LRIG1: variants seen among roughly 807,000 people sequenced by gnomAD.
LRIG1 encodes leucine-rich repeats and immunoglobulin-like domains protein 1.
In LRIG1, 48 loss-of-function variants were observed where a neutral mutation model predicts 99.2. That is an observed-to-expected ratio of 0.48 (90% CI 0.38 to 0.62). The LOEUF (loss-of-function observed/expected upper bound fraction) is 0.62. Among genes scored for constraint, LRIG1 ranks in the 20% least tolerant of loss-of-function variants. The pLI is 0.00. For synonymous variants in LRIG1, 772 were observed against 596.1 expected, an observed-to-expected ratio of 1.29 and a Z score of -4.30; for missense variants, 1,646 against 1,434.4, an observed-to-expected ratio of 1.15 and a Z score of -2.38.
intron 8 of LRIG1, among the ~76,000 whole-genome samples, chr3:66,406,754 T>C (rs1702282270): frequency 6.6e-6 from 1 of 152,120 alleles, no homozygotes; most frequent in Non-Finnish European, 1.5e-5. Flanking sequence ...AATTAGGGAC[T>C]TCAAGGGAAA....
At chr3:66,500,121 AC>A (rs2106950116) in intron 1 of LRIG1, 68 bp downstream of exon 1, 2 of 1,271,620 alleles carry the variant, frequency 1.6e-6, no homozygotes, top group Admixed American at 2.3e-5. Flanking sequence ...CTGAGTACGA[AC>A]CCCCGCCGCT....
chr3:66,466,571 C>T (rs1247148054), intron 1 of LRIG1, among the ~76,000 whole-genome samples: 2 of 152,140 alleles, frequency 1.3e-5, no homozygotes, highest in African/African-American at 4.8e-5. Context: ...TAAGAAAATA[C>T]ACTTAGCCCA....
At chr3:66,458,605 G>C (rs776159434) in intron 2 of LRIG1, among the ~76,000 whole-genome samples, 5 of 152,144 alleles carry the variant, frequency 3.3e-5, no homozygotes, top group Non-Finnish European at 7.3e-5. Context: ...GGGAAACTGA[G>C]GCATGAGAAT....
At chr3:66,392,415 T>C (rs1277075294) in intron 12 of LRIG1, among the ~76,000 whole-genome samples, 1 of 152,204 alleles carries the variant, frequency 6.6e-6, no homozygotes, top group Admixed American at 6.5e-5. Flanking sequence ...ACCAGCAGTG[T>C]AGGAGGGTTC....
intron 5 of LRIG1, 73 bp downstream of exon 5, chr3:66,414,847 C>G: frequency 1.4e-6 from 2 of 1,402,608 alleles, no homozygotes; most frequent in South Asian, 1.6e-5. Context: ...GCGTTTGGTA[C>G]GAGGTCCTTG....
intron 3 of LRIG1, among the ~76,000 whole-genome samples, chr3:66,426,536 G>C (rs1702985919): frequency 6.6e-6 from 1 of 152,186 alleles, no homozygotes; most frequent in African/African-American, 2.4e-5. Flanking sequence ...CTTAACTGCA[G>C]AGAGAAAACT....
At chr3:66,469,907 CAAAA>C (rs55768550) in intron 1 of LRIG1, among the ~76,000 whole-genome samples, 4 of 115,808 alleles carry the variant, frequency 3.5e-5, no homozygotes, top group South Asian at 2.9e-4. Flanking sequence ...CTGTCCCTAC[CAAAA>C]AAAAAAAAAA....
intron 3 of LRIG1, among the ~76,000 whole-genome samples, chr3:66,436,907 C>T (rs945080460): frequency 2.0e-5 from 3 of 152,176 alleles, no homozygotes; most frequent in African/African-American, 7.2e-5. Flanking sequence ...TCCTTGGAGA[C>T]TCAAAGGGAA....
intron 6 of LRIG1, among the ~76,000 whole-genome samples, chr3:66,411,068 A>T (rs1372619387): frequency 6.6e-6 from 1 of 152,210 alleles, no homozygotes; most frequent in Non-Finnish European, 1.5e-5. Context: ...TGGGGTCACT[A>T]TAAGAAGGAA....
Position 66,384,093 on chromosome 3 carries a change from A to T in LRIG1, c.1969T>A (p.Phe657Ile). 6.2e-7 allele frequency: 1 copy of T among 1,614,142 alleles called. No individual in the cohort carries two copies. The highest frequency in any genetic ancestry group is 8.5e-7 in the Non-Finnish European group (1 of 1,180,036). ...RMHVMPDDDV[F>I]FITDVKIDDA... ...TCTATTTTCACATCAGTGATGAAAA[A>T]CACGTCGTCATCCGGCATGACATGC... Residue 657 changes from phenylalanine (F) to isoleucine (I), a missense_variant, in exon 14 of 19, where the codon TTT becomes ATT. Phe to Ile is a conservative substitution (Grantham distance 21). Transcript: ENST00000273261.
intron 1 of LRIG1, among the ~76,000 whole-genome samples, chr3:66,490,360 CT>C (rs1210668424): frequency 6.6e-6 from 1 of 152,252 alleles, no homozygotes; most frequent in African/African-American, 2.4e-5. Flanking sequence ...CAACAATTCA[CT>C]TCCTGGAAGC....
At chr3:66,416,261 G>A (rs565069844) in intron 4 of LRIG1, among the ~76,000 whole-genome samples, 3 of 152,266 alleles carry the variant, frequency 2.0e-5, no homozygotes, top group African/African-American at 2.4e-5. Flanking sequence ...CAACTCTGGC[G>A]CCCTAATGCA....
In LRIG1 at chr3:66,386,284, G is replaced by A. The variant is rs1470426415; in HGVS notation, c.1486C>T (p.Gln496Ter). ...GTGGTTTCTGGCTGGGTGATGATCT[G>A]TGGCTTCAGGAAGTCATCTGGGGAG... ...SFVCDDFLKP[Q>*]IITQPETTMA... The change falls in exon 13 of 19, where the codon CAG becomes TAG. Residue 496 changes from glutamine (Q) to a stop codon, truncating the protein, a stop_gained. Transcript: ENST00000273261. LOFTEE classifies it high-confidence loss of function. 2 of 1,613,998 alleles carry A rather than the reference G, an allele frequency of 1.2e-6. No homozygotes were observed. The highest frequency in any genetic ancestry group is 1.7e-6 in the Non-Finnish European group (2 of 1,179,924).
chr3:66,386,090 G>A lies in LRIG1; in HGVS notation c.1680C>T (p.Thr560=). The change falls in exon 13 of 19, where the codon ACC becomes ACT. Residue 560 remains threonine, a synonymous_variant. Coordinates refer to ENST00000273261, the MANE Select transcript of LRIG1 (RefSeq NM_015541.3). ...AQDGEVMEYT[T]ILHLRQVTFG... is the part of the protein sequence containing the mutation. ...AAGTGACCTGACGGAGGTGCAGGAT[G>A]GTGGTGTACTCCATCACTTCCCCGT... 6.2e-7 allele frequency: 1 copy of A among 1,614,188 alleles called. No individual in the cohort carries two copies. Among genetic ancestry groups the A allele is most frequent in the Non-Finnish European group, 8.5e-7 (1 of 1,180,024 alleles).
At chr3:66,458,909 T>C (rs4856938) in intron 2 of LRIG1, among the ~76,000 whole-genome samples, 145,203 of 151,510 alleles carry the variant, frequency 0.96, 69,724 homozygotes, top group Non-Finnish European at 1. Flanking sequence ...CCCAGCTACC[T>C]GGGAGGCTAA....
In LRIG1 at chr3:66,499,096, G is replaced by A. The variant is rs146180054; in HGVS notation, c.218+1094C>T. ...TTTAAGCTAGGCCTTTTCTGGAAAG[G>A]TACTAATGGTTCTACAGAGATGCTA... On this transcript the variant is annotated intron_variant, in intron 1 of 18. Transcript: ENST00000273261. Among the ~76,000 whole-genome samples, 489 of 152,288 alleles carry A rather than the reference G, an allele frequency of 3.2e-3. 7 individuals are homozygous for A. The East Asian group carries it at 0.035, about 11-fold the overall frequency.
chr3:66,437,787 T>G (rs916374198), intron 3 of LRIG1, among the ~76,000 whole-genome samples: 41 of 152,008 alleles, frequency 2.7e-4, no homozygotes, highest in Non-Finnish European at 3.8e-4. Context: ...ATGTCATAGG[T>G]GCAGTGGCAG....
intron 5 of LRIG1, 39 bp from the exon 6 acceptor site, chr3:66,413,053 T>G (rs199631725): frequency 1.2e-6 from 2 of 1,610,658 alleles, no homozygotes. Context: ...GTGTCTTATG[T>G]GCATATCCCA....
intron 3 of LRIG1, among the ~76,000 whole-genome samples, chr3:66,436,496 C>T (rs2106761408): frequency 6.6e-6 from 1 of 152,268 alleles, no homozygotes; most frequent in East Asian, 1.9e-4. Flanking sequence ...ATGAAACGAC[C>T]ATTAACATCC....
Sources: gnomAD v4.1 joint callset for allele counts (sites outside exome capture counted in the v4.1 genomes callset) on GRCh38, gnomAD v4.1.1 for gene constraint, MANE v1.5 for transcripts, NCBI Gene and HGNC (gene_info 2026-07-23, HGNC 2026-07-21) for gene names.